The following GALNTL6 variants were observed in gnomAD, a reference collection of about 807,000 sequenced individuals.
The protein encoded by GALNTL6 is polypeptide N-acetylgalactosaminyltransferase-like 6.
In GALNTL6, 46 loss-of-function variants were observed where a neutral mutation model predicts 73.7. The observed-to-expected ratio is 0.62, with a 90% confidence interval of 0.49 to 0.80. GALNTL6 has a LOEUF of 0.80. GALNTL6 is among the 30% of genes least tolerant of loss of function. The probability of loss-of-function intolerance (pLI) is 0.00; values close to 1 mark genes in which losing one functional copy is unlikely to be tolerated. For synonymous variants in GALNTL6, 259 were observed against 263.7 expected (o/e 0.98, Z 0.17); for missense variants, 604 against 755.0 (o/e 0.80, Z 2.34).
chr4:172,161,364 A>AG (rs1734461651), intron 2 of GALNTL6, among the ~76,000 whole-genome samples: 2 of 152,074 alleles, frequency 1.3e-5, no homozygotes, highest in African/African-American at 4.8e-5. Flanking sequence ...CTGAAACTTC[A>AG]GCATGGTTTT....
At chr4:171,928,940 A>T (rs1738079324) in intron 2 of GALNTL6, among the ~76,000 whole-genome samples, 1 of 152,228 alleles carries the variant, frequency 6.6e-6, no homozygotes, top group African/African-American at 2.4e-5. Flanking sequence ...ATTAAGTGAC[A>T]CATGGCTATA....
chr4:172,824,600 C>T (rs1742133870), intron 7 of GALNTL6, among the ~76,000 whole-genome samples: 1 of 151,930 alleles, frequency 6.6e-6, no homozygotes, highest in Admixed American at 6.6e-5. Flanking sequence ...AAAGTGGATA[C>T]ATATAAATAA....
At chr4:172,365,665 T>C (rs1742529883) in intron 5 of GALNTL6, among the ~76,000 whole-genome samples, 1 of 150,250 alleles carries the variant, frequency 6.7e-6, no homozygotes, top group East Asian at 2.0e-4. Flanking sequence ...GCCCTTCTTA[T>C]AAATTCGTGA....
intron 5 of GALNTL6, among the ~76,000 whole-genome samples, chr4:172,758,195 A>G (rs887454573): frequency 3.3e-5 from 5 of 152,252 alleles, no homozygotes; most frequent in African/African-American, 1.2e-4. Context: ...AATTTTAAAT[A>G]AAAGACATTT....
chr4:171,973,959 T>C (rs1369459288), intron 2 of GALNTL6, among the ~76,000 whole-genome samples: 1 of 152,158 alleles, frequency 6.6e-6, no homozygotes, highest in East Asian at 1.9e-4. Flanking sequence ...GGCATTCTTA[T>C]AATCAGACAT....
chr4:172,878,357 C>T (rs559876868), intron 7 of GALNTL6, among the ~76,000 whole-genome samples: 10 of 151,742 alleles, frequency 6.6e-5, no homozygotes, highest in South Asian at 2.1e-4. Context: ...CTATATAAAA[C>T]GGTGTTCAAA....
At chr4:172,917,028 T>A (rs1467763161) in intron 8 of GALNTL6, among the ~76,000 whole-genome samples, 5 of 152,156 alleles carry the variant, frequency 3.3e-5, no homozygotes, top group African/African-American at 1.2e-4. Flanking sequence ...CAAAACAGCA[T>A]GGTACTGTTA....
chr4:171,942,229 A>C (rs1738568798), intron 2 of GALNTL6, among the ~76,000 whole-genome samples: 1 of 133,518 alleles, frequency 7.5e-6, no homozygotes, highest in Non-Finnish European at 1.6e-5. Flanking sequence ...GGTCTCCAAT[A>C]AAAAATAAAT....
At chr4:172,581,049 A>G (rs1271073606) in intron 5 of GALNTL6, among the ~76,000 whole-genome samples, 1 of 152,246 alleles carries the variant, frequency 6.6e-6, no homozygotes, top group Non-Finnish European at 1.5e-5. Context: ...GGCGTGAGCC[A>G]CTGTGCCCGG....
chr4:171,814,862 T>C (rs2110790789), intron 2 of GALNTL6, 144 bp downstream of exon 2: 1 of 747,888 alleles, frequency 1.3e-6, no homozygotes. Flanking sequence ...CTAGAGACTT[T>C]GGGGTTTAAG....
chr4:172,075,555 T>G (rs1731677115), intron 2 of GALNTL6, among the ~76,000 whole-genome samples: 1 of 152,160 alleles, frequency 6.6e-6, no homozygotes, highest in African/African-American at 2.4e-5. Flanking sequence ...CAGGATGGTC[T>G]CGATCTCCTG....
intron 2 of GALNTL6, among the ~76,000 whole-genome samples, chr4:171,928,736 G>A (rs1738071398): frequency 6.6e-6 from 1 of 152,170 alleles, no homozygotes; most frequent in African/African-American, 2.4e-5. Context: ...AAATAGCACT[G>A]TGCTCCAGTT....
At chr4:171,840,062 C>T (rs1041312916) in intron 2 of GALNTL6, among the ~76,000 whole-genome samples, 5 of 152,036 alleles carry the variant, frequency 3.3e-5, no homozygotes, top group Non-Finnish European at 5.9e-5. Context: ...GAAGTAGTGC[C>T]GGCCAGGGAT....
chr4:172,302,881 A>C (rs1453502740), intron 3 of GALNTL6, among the ~76,000 whole-genome samples: 1 of 151,830 alleles, frequency 6.6e-6, no homozygotes, highest in Non-Finnish European at 1.5e-5. Flanking sequence ...TTGTTATATA[A>C]TCCTTGATTC....
intron 2 of GALNTL6, among the ~76,000 whole-genome samples, chr4:172,153,585 A>G (rs1321763432): frequency 1.3e-5 from 2 of 152,238 alleles, no homozygotes; most frequent in Admixed American, 1.3e-4. Flanking sequence ...AAAAACTATT[A>G]TTAAGATCTA....
At chr4:171,858,014 T>G (rs551840546) in intron 2 of GALNTL6, among the ~76,000 whole-genome samples, 1 of 152,298 alleles carries the variant, frequency 6.6e-6, no homozygotes, top group African/African-American at 2.4e-5. Flanking sequence ...GTGGAAAGTG[T>G]GTAACAACCA....
chr4:172,518,147 T>G (rs985012746), intron 5 of GALNTL6, among the ~76,000 whole-genome samples: 1 of 151,976 alleles, frequency 6.6e-6, no homozygotes. Flanking sequence ...CTATTTATTA[T>G]ACAGTTTCTG....
intron 5 of GALNTL6, among the ~76,000 whole-genome samples, chr4:172,439,767 G>A (rs566858239): frequency 2.6e-5 from 4 of 151,930 alleles, no homozygotes; most frequent in Admixed American, 6.6e-5. Context: ...CCAAATAGTC[G>A]ATTTTATTTT....
intron 2 of GALNTL6, among the ~76,000 whole-genome samples, chr4:172,077,140 C>T (rs1485031222): frequency 6.6e-6 from 1 of 152,116 alleles, no homozygotes; most frequent in Non-Finnish European, 1.5e-5. Flanking sequence ...TTACCAGTCT[C>T]TGGTAGTTCT....
Sources: allele counts gnomAD v4.1 joint callset (sites outside exome capture counted in the v4.1 genomes callset), GRCh38; gene constraint gnomAD v4.1.1; transcripts MANE v1.5; gene names NCBI Gene and HGNC (gene_info 2026-07-23, HGNC 2026-07-21).